The following RNF144B variants were observed in gnomAD, a reference collection of about 807,000 sequenced individuals.
The protein encoded by RNF144B is ring finger protein 144B.
A neutral mutation model predicts 40.2 loss-of-function variants in RNF144B; 25 were observed. The observed-to-expected ratio is 0.62, with a 90% CI of 0.45 to 0.87. RNF144B has a LOEUF of 0.87. RNF144B is among the 40% of genes least tolerant of loss of function. The pLI is 0.00. For missense variants in RNF144B, 365 were observed against 373.7 expected (o/e 0.98, Z 0.19); for synonymous variants, 145 against 136.3 (o/e 1.06, Z -0.44).
At chr6:18,403,236 G>T (rs577512428) in intron 2 of RNF144B, among the ~76,000 whole-genome samples, 1 of 152,316 alleles carries the variant, frequency 6.6e-6, no homozygotes, top group South Asian at 2.1e-4. Context: ...TCACAAGTCA[G>T]TTATCAAAGT....
intron 3 of RNF144B, among the ~76,000 whole-genome samples, chr6:18,435,889 G>T: frequency 7.3e-6 from 1 of 137,710 alleles, no homozygotes; most frequent in Non-Finnish European, 1.6e-5. Context: ...GGGGGAGGGG[G>T]GAGGGATAGC....
At chr6:18,393,524 T>C (rs1794628874) in intron 1 of RNF144B, among the ~76,000 whole-genome samples, 1 of 152,206 alleles carries the variant, frequency 6.6e-6, no homozygotes, top group Non-Finnish European at 1.5e-5. Flanking sequence ...TCACTAATAG[T>C]TTCTGTTAGG....
rs111752274 is a variant in RNF144B at position 18,426,193 on chromosome 6, A to C, written c.166-1388A>C. The stretch of plus-strand genomic sequence containing the variant: ...GGTGCAACAGCAATATTTTTAATGC[A>C]GTAAGTTGATACATAAATGTATAAA... On this transcript the variant is annotated intron_variant, in intron 2 of 7. Coordinates refer to ENST00000259939, the MANE Select transcript of RNF144B (RefSeq NM_182757.4). Among the ~76,000 whole-genome samples, 251 of 152,326 alleles carry C rather than the reference A, an allele frequency of 1.6e-3. 1 individual carries two copies. The highest frequency in any genetic ancestry group is 5.7e-3 in the African/African-American group (239 of 41,576).
At position 18,443,027 on chromosome 6, in the gene RNF144B, T is replaced by C. The variant is rs10949510; in HGVS notation, c.331+3283T>C. 0.12 allele frequency among the ~76,000 whole-genome samples: 19,008 copies of C among 152,204 alleles called. 1,368 individuals are homozygous for C. Among genetic ancestry groups the C allele is most frequent in the Admixed American group, 0.19 (2,961 of 15,284 alleles). ...ATAATCTGAGTTTCTGCTTTCAGTA[T>C]TTTTGGGTAAAGTAACTAGAATTGG... On this transcript the variant is annotated intron_variant, in intron 4 of 7. Transcript: ENST00000259939. This position sits in a 1 kb window ranked among gnomAD's most constrained non-coding sequence, Gnocchi z 4.7.
intron 3 of RNF144B, among the ~76,000 whole-genome samples, chr6:18,432,631 T>C (rs115783166): frequency 0.015 from 2,285 of 152,350 alleles, 64 homozygotes; most frequent in African/African-American, 0.051. Flanking sequence ...TGTAGTGTTA[T>C]TGAAGTAGCA....
chr6:18,401,389 C>T lies in RNF144B; in HGVS notation c.165+1690C>T, dbSNP rs796520961. 4.6e-5 allele frequency among the ~76,000 whole-genome samples: 7 copies of T among 152,202 alleles called. No homozygotes were observed. In the South Asian group the frequency reaches 1.4e-3, roughly 31 times the overall value. ...TCAGTCATCTAGATTCACACTTCCT[C>T]ATTGTTAGGGAGTGCTCAAAAGCAG... is the stretch of plus-strand genomic sequence containing the variant. On this transcript the variant is annotated intron_variant, in intron 2 of 7. Transcript: ENST00000259939.
chr6:18,403,875 A>C (rs755141703), intron 2 of RNF144B, among the ~76,000 whole-genome samples: 2 of 152,296 alleles, frequency 1.3e-5, no homozygotes, highest in Non-Finnish European at 1.5e-5. Context: ...GTGAAAAGAG[A>C]CAAAACCCAA....
rs932295165 is a variant in RNF144B, at chr6:18,444,318, A to G, written c.331+4574A>G. 5.3e-5 allele frequency among the ~76,000 whole-genome samples: 8 copies of G among 152,126 alleles called. No individual in the cohort carries two copies. Among genetic ancestry groups the G allele is most frequent in the African/African-American group, 1.9e-4 (8 of 41,412 alleles). On this transcript the variant is annotated intron_variant, in intron 4 of 7. Transcript: ENST00000259939. This position sits in a 1 kb window ranked among gnomAD's most constrained non-coding sequence, Gnocchi z 4.3. Reference sequence around the variant, plus strand: ...CTTTCTCTTTCTGCATCAGCTTTCCAATATTAACAAGGAAAAGGGAATGCT... The same window carrying G: ...CTTTCTCTTTCTGCATCAGCTTTCCGATATTAACAAGGAAAAGGGAATGCT...
At position 18,457,495 on chromosome 6, in the gene RNF144B, G is replaced by C. The variant is rs1759356575; in HGVS notation, c.536+136G>C. On this transcript the variant is annotated intron_variant, in intron 5 of 7. Coordinates refer to ENST00000259939, the MANE Select transcript of RNF144B (RefSeq NM_182757.4). This position sits in a 1 kb window ranked among gnomAD's most constrained non-coding sequence, Gnocchi z 5.1. ...TTCCTGCAGAACTTCCCTGAGAAGTGTCTCAGAATTGGTAAGTTGCCAACA... is the reference window on the plus strand; with the variant it reads ...TTCCTGCAGAACTTCCCTGAGAAGTCTCTCAGAATTGGTAAGTTGCCAACA... The C allele has an allele frequency of 1.4e-6, 1 of 704,842 alleles. No individual in the cohort carries two copies. The allele number at this position is 704,842 out of a possible 1,614,324, so 43.7% of individuals were successfully genotyped here.
intron 3 of RNF144B, among the ~76,000 whole-genome samples, chr6:18,430,787 G>C (rs187468427): frequency 0.015 from 2,271 of 151,494 alleles, 59 homozygotes; most frequent in African/African-American, 0.051. Context: ...CATTTTCTTT[G>C]AATAGACATT....
chr6:18,436,109 T>G (rs1758819229), intron 3 of RNF144B, among the ~76,000 whole-genome samples: 1 of 151,826 alleles, frequency 6.6e-6, no homozygotes, highest in South Asian at 2.1e-4. Context: ...TGTCCTCATG[T>G]AGCTCCTGAT....
chr6:18,426,185 T>C (rs1199422845), intron 2 of RNF144B, among the ~76,000 whole-genome samples: 1 of 152,224 alleles, frequency 6.6e-6, no homozygotes, highest in Admixed American at 6.5e-5. Context: ...CAGCAATATT[T>C]TTAATGCAGT....
intron 2 of RNF144B, among the ~76,000 whole-genome samples, chr6:18,408,955 T>C (rs1263733433): frequency 1.5e-5 from 2 of 134,402 alleles, no homozygotes; most frequent in Non-Finnish European, 3.3e-5. Context: ...TTTTTTTTTT[T>C]TCTCTGCAAA....
intron 3 of RNF144B, among the ~76,000 whole-genome samples, chr6:18,432,296 T>C (rs547241213): frequency 6.6e-6 from 1 of 152,270 alleles, no homozygotes; most frequent in East Asian, 1.9e-4. Flanking sequence ...TGTTCCCTTG[T>C]ATAGGAAATG....
At position 18,399,659 on chromosome 6, in the gene RNF144B, T is replaced by G. The variant is rs145903319; in HGVS notation, c.125T>G (p.Met42Arg). 6.2e-7 allele frequency: 1 copy of G among 1,614,138 alleles called. No homozygotes were observed. The highest frequency in any genetic ancestry group is 1.3e-5 in the African/African-American group (1 of 75,032). Residue 42 changes from methionine (M) to arginine (R), a missense_variant, in exon 2 of 8, where the codon ATG becomes AGG. By Grantham distance (91) the Met-to-Arg change is moderately conservative. Transcript: ENST00000259939. ...CTGTGTGAGCAGTCTCTGGACAAGA[T>G]GACCACACTCCAGGAATGCCAGTGC... ...LCLCEQSLDK[M>R]TTLQECQCIF...
rs1173786912 is a variant in RNF144B at position 18,464,518 on chromosome 6, G to T, written c.772-409G>T. On this transcript the variant is annotated intron_variant, in intron 7 of 7. Coordinates refer to ENST00000259939, the MANE Select transcript of RNF144B (RefSeq NM_182757.4). The surrounding 1 kb of genome is among the most constrained non-coding windows in gnomAD (Gnocchi z 6.1). ...CTGCTATAACAAATGACCATAGACT[G>T]GGAGGCTTAAAGAACAGAAATTTAC... Among the ~76,000 whole-genome samples the T allele has an allele frequency of 6.6e-6, 1 of 152,192 alleles. No homozygotes were observed.
At position 18,419,281 on chromosome 6, in the gene RNF144B, G is replaced by C. The variant is rs1001125086; in HGVS notation, c.166-8300G>C. ...TGTCCCATATCTTCCAGTGTTTCTT[G>C]TCCATAAAAACATACCAGGCTTAGA... On this transcript the variant is annotated intron_variant, in intron 2 of 7. Transcript: ENST00000259939. This position sits in a 1 kb window ranked among gnomAD's most constrained non-coding sequence, Gnocchi z 4.6. Among the ~76,000 whole-genome samples the C allele has an allele frequency of 6.6e-6, 1 of 152,040 alleles. No individual in the cohort carries two copies. Among genetic ancestry groups the C allele is most frequent in the African/African-American group, 2.4e-5 (1 of 41,380 alleles).
At chr6:18,429,376 A>C (rs966764283) in intron 3 of RNF144B, among the ~76,000 whole-genome samples, 1 of 152,196 alleles carries the variant, frequency 6.6e-6, no homozygotes, top group Non-Finnish European at 1.5e-5. Flanking sequence ...TTTTACATAT[A>C]TATCCTTTGC....
At position 18,444,325 on chromosome 6, in the gene RNF144B, A is replaced by G. The variant is rs1759031640; in HGVS notation, c.331+4581A>G. Reference sequence around the variant, plus strand: ...TTTCTGCATCAGCTTTCCAATATTAACAAGGAAAAGGGAATGCTAAGTTTG... The same window carrying G: ...TTTCTGCATCAGCTTTCCAATATTAGCAAGGAAAAGGGAATGCTAAGTTTG... On this transcript the variant is annotated intron_variant, in intron 4 of 7. Transcript: ENST00000259939. This position sits in a 1 kb window ranked among gnomAD's most constrained non-coding sequence, Gnocchi z 4.3. Among the ~76,000 whole-genome samples the G allele has an allele frequency of 1.3e-5, 2 of 152,174 alleles. 1 individual carries two copies. The highest frequency in any genetic ancestry group is 6.3e-3 in the Middle Eastern group (2 of 316).
Sources: allele counts gnomAD v4.1 joint callset (sites outside exome capture counted in the v4.1 genomes callset), GRCh38; gene constraint gnomAD v4.1.1; non-coding constraint Gnocchi (gnomAD v3.1); transcripts MANE v1.5; gene names NCBI Gene and HGNC (gene_info 2026-07-23, HGNC 2026-07-21).